Variants in YKT6 observed in about 807,000 individuals in gnomAD.
The protein encoded by YKT6 is synaptobrevin homolog YKT6.
YKT6 carries 12 observed loss-of-function variants against 29.3 expected under a neutral mutation model. The ratio of observed to expected loss-of-function variants is 0.41; its 90% confidence interval spans 0.26 to 0.66. The LOEUF is 0.66. YKT6 is among the 30% of genes least tolerant of loss of function. YKT6 has a pLI of 0.32. For synonymous variants in YKT6, 86 were observed against 94.3 expected (o/e 0.91, Z 0.51); for missense variants, 188 against 243.8 (o/e 0.77, Z 1.52).
chr7:44,205,171 C>T (rs147720622), intron 2 of YKT6, among the ~76,000 whole-genome samples: 4 of 152,290 alleles, frequency 2.6e-5, no homozygotes, highest in African/African-American at 7.2e-5. Flanking sequence ...CCTCAAGTCA[C>T]GTGACATAGA....
At chr7:44,209,322 AC>A (rs1226694497) in intron 5 of YKT6, among the ~76,000 whole-genome samples, 11 of 152,200 alleles carry the variant, frequency 7.2e-5, no homozygotes, top group African/African-American at 2.2e-4. Flanking sequence ...AGGTGTGCTG[AC>A]TGCACTCCAA....
At chr7:44,203,824 G>T (rs143534685) in intron 1 of YKT6, among the ~76,000 whole-genome samples, 2 of 152,188 alleles carry the variant, frequency 1.3e-5, no homozygotes, top group South Asian at 4.1e-4. Context: ...TGAGCACCCT[G>T]CTTTGATGGC....
At chr7:44,207,583 T>G (rs2096342067) in intron 4 of YKT6, 91 bp downstream of exon 4, 10 of 1,105,600 alleles carry the variant, frequency 9.0e-6, no homozygotes. Flanking sequence ...TCTGGTCTAA[T>G]TACTTCTGAC....
chr7:44,207,994 G>C, intron 4 of YKT6, 139 bp from the exon 5 acceptor site: 1 of 821,676 alleles, frequency 1.2e-6, no homozygotes, highest in Non-Finnish European at 2.0e-6. Context: ...AAAATGCTGG[G>C]ATTACAGGCG....
At position 44,207,395 on chromosome 7, in the gene YKT6, A is replaced by G; in HGVS notation, c.296A>G (p.Asp99Gly). The G allele has an allele frequency of 1.2e-6, 2 of 1,613,984 alleles. No homozygotes were observed. Among genetic ancestry groups the G allele is most frequent in the South Asian group, 2.2e-5 (2 of 91,076 alleles). ...GTCTCCTTTGTCTTGCAGGTACTAG[A>G]TGAATTCTCCAAGCAAGTCGACAGG... Reference protein sequence around the residue: ...VAFTLLEKVLDEFSKQVDRID... With the variant: ...VAFTLLEKVLGEFSKQVDRID... Residue 99 changes from aspartate to glycine, a missense_variant, in exon 4 of 7, where the codon GAT becomes GGT. Asp to Gly is a moderately conservative substitution (Grantham distance 94). This residue lies in a region of YKT6 where 100 missense variants were observed against 136.3 expected (regional missense o/e 0.73). Transcript: ENST00000223369.
At chr7:44,210,117 G>A (rs1278526501) in intron 5 of YKT6, among the ~76,000 whole-genome samples, 1 of 152,080 alleles carries the variant, frequency 6.6e-6, no homozygotes, top group Non-Finnish European at 1.5e-5. Flanking sequence ...AAGCATGTGT[G>A]AGTTTGCATC....
Position 44,203,199 on chromosome 7 carries a change from T to C in YKT6, c.105-1369T>C, listed in dbSNP as rs866508169. ...ACCTCCGCCTCCTGGGTTCAAGTGATTCTCCTGCCTCAGCCTCCCAAGTAG... is the reference window on the plus strand; with the variant it reads ...ACCTCCGCCTCCTGGGTTCAAGTGACTCTCCTGCCTCAGCCTCCCAAGTAG... On this transcript the variant is annotated intron_variant, in intron 1 of 6. Transcript: ENST00000223369. Among the ~76,000 whole-genome samples, 8 of 152,294 alleles carry C rather than the reference T, an allele frequency of 5.3e-5. 1 individual carries two copies. The Middle Eastern group carries it at 0.017, about 324-fold the overall frequency.
intron 3 of YKT6, among the ~76,000 whole-genome samples, chr7:44,206,723 A>G (rs1007214547): frequency 3.9e-5 from 6 of 152,084 alleles, no homozygotes; most frequent in Admixed American, 2.6e-4. Flanking sequence ...CATAGCATCT[A>G]TTCTCTGGGA....
chr7:44,211,159 C>A, intron 6 of YKT6, 35 bp downstream of exon 6: 1 of 1,593,358 alleles, frequency 6.3e-7, no homozygotes, highest in South Asian at 1.1e-5. Flanking sequence ...CCTGGGTGTT[C>A]TCTCTAGAGA....
In YKT6 at chr7:44,212,412, G is replaced by C. The variant is rs752321674; in HGVS notation, c.*130G>C. On this transcript the variant is annotated 3_prime_UTR_variant, in exon 7 of 7. Transcript: ENST00000223369. The stretch of plus-strand genomic sequence containing the variant: ...GCAGACTGGCCATTTTTATTTTGAA[G>C]TTCCTGCGAGAAATGGATGGTGGAA... 6.2e-4 allele frequency: 731 copies of C among 1,175,388 alleles called. No homozygotes were observed. The highest frequency in any genetic ancestry group is 8.2e-4 in the Non-Finnish European group (670 of 814,282). The allele number at this position is 1,175,388 out of a possible 1,614,324, so 72.8% of individuals were successfully genotyped here.
At chr7:44,210,975 C>A in intron 5 of YKT6, 48 bp from the exon 6 acceptor site, 18 of 1,599,504 alleles carry the variant, frequency 1.1e-5, no homozygotes, top group Non-Finnish European at 1.5e-5. Context: ...GGGCTCATGT[C>A]AGGGCACGTA....
chr7:44,211,378 T>C (rs553421465), intron 6 of YKT6, among the ~76,000 whole-genome samples: 5 of 152,202 alleles, frequency 3.3e-5, no homozygotes, highest in Non-Finnish European at 7.3e-5. Flanking sequence ...CCTCTGCTGC[T>C]CTGGCTGATT....
chr7:44,207,791 A>G lies in YKT6; in HGVS notation c.393+299A>G, dbSNP rs184241662. On this transcript the variant is annotated intron_variant, in intron 4 of 6. Transcript: ENST00000223369. Reference sequence around the variant, plus strand: ...TCCCAGGCTGGAGTGCAGTGGCGCAATCTCGGCTCACTCAACCTGCACCTC... The same window carrying G: ...TCCCAGGCTGGAGTGCAGTGGCGCAGTCTCGGCTCACTCAACCTGCACCTC... 5.5e-4 allele frequency among the ~76,000 whole-genome samples: 84 copies of G among 151,982 alleles called. 1 individual carries two copies. Among genetic ancestry groups the G allele is most frequent in the African/African-American group, 1.9e-3 (79 of 41,432 alleles).
At chr7:44,203,390 G>A (rs942502464) in intron 1 of YKT6, among the ~76,000 whole-genome samples, 15 of 152,294 alleles carry the variant, frequency 9.8e-5, no homozygotes, top group African/African-American at 2.4e-4. Context: ...CACCACGTCC[G>A]GCCTGAGCTT....
intron 5 of YKT6, among the ~76,000 whole-genome samples, chr7:44,209,933 G>A (rs183620850): frequency 2.2e-4 from 34 of 152,184 alleles, no homozygotes; most frequent in Admixed American, 6.5e-5. Context: ...ATATATTTGG[G>A]GCATGTGTGT....
At chr7:44,211,357 C>T (rs1441401048) in intron 6 of YKT6, among the ~76,000 whole-genome samples, 1 of 152,230 alleles carries the variant, frequency 6.6e-6, no homozygotes, top group African/African-American at 2.4e-5. Flanking sequence ...CCACTCCTGC[C>T]TCTGCTCTGC....
chr7:44,201,471 A>G (rs1018334119), intron 1 of YKT6, among the ~76,000 whole-genome samples: 1 of 152,152 alleles, frequency 6.6e-6, no homozygotes, highest in African/African-American at 2.4e-5. Context: ...TTGGTCTCCT[A>G]TAATGGAATC....
rs1418967770 is a variant in YKT6 at position 44,213,771 on chromosome 7, G to A, written c.*1489G>A. 2 of 152,376 alleles carry A rather than the reference G, an allele frequency of 1.3e-5. No homozygotes were observed. The highest frequency in any genetic ancestry group is 2.9e-5 in the Non-Finnish European group (2 of 68,162). The allele number at this position is 152,376 out of a possible 1,614,324, so 9.4% of individuals were successfully genotyped here. ...GCTGGGCAGGAGGGTGGGGTCTGCT[G>A]TGGGTTCAGAGGACTCCACCTCCTG... On this transcript the variant is annotated 3_prime_UTR_variant, in exon 7 of 7. Coordinates refer to ENST00000223369, the MANE Select transcript of YKT6 (RefSeq NM_006555.4).
chr7:44,211,625 A>G (rs1465339458), intron 6 of YKT6: 4 of 1,002,104 alleles, frequency 4.0e-6, no homozygotes, highest in South Asian at 4.4e-5. Context: ...ATGTCTTCCT[A>G]TGTGGAGATG....
Sources: allele counts gnomAD v4.1 joint callset (sites outside exome capture counted in the v4.1 genomes callset), GRCh38; gene constraint gnomAD v4.1.1; regional missense constraint gnomAD v4.1.1; transcripts MANE v1.5; gene names NCBI Gene and HGNC (gene_info 2026-07-23, HGNC 2026-07-21).